Variants in TCF4 observed in about 807,000 individuals in gnomAD.
The protein encoded by TCF4 is transcription factor 4, also known as SL3-3 enhancer factor 2.
A neutral mutation model predicts 82.1 loss-of-function variants in TCF4; 3 were observed. The observed-to-expected ratio is 0.04, with a 90% CI of 0.02 to 0.09. TCF4 has a LOEUF of 0.09. Among genes scored for constraint, TCF4 ranks in the 10% least tolerant of loss-of-function variants. TCF4 has a pLI of 1.00. For synonymous variants in TCF4, 276 were observed against 309.6 expected (o/e 0.89, Z 1.14); for missense variants, 518 against 852.7 (o/e 0.61, Z 4.89).
rs186956974 is a variant in TCF4 at position 55,365,268 on chromosome 18, C to T, written c.370-14265G>A. Among the ~76,000 whole-genome samples, 1,013 of 122,870 alleles carry T rather than the reference C, an allele frequency of 8.2e-3. 7 individuals carry two copies. The highest frequency in any genetic ancestry group is 0.012 in the Non-Finnish European group (724 of 57,992). 80.6% of individuals were successfully genotyped at this position (122,870 alleles called of 152,430 possible). On this transcript the variant is annotated intron_variant, in intron 6 of 19. Coordinates refer to ENST00000354452, the MANE Select transcript of TCF4 (RefSeq NM_001083962.2). ...GTGTGTGTATATATATATATATATA[C>T]ACACACACACACATATATATATGAT...
Position 55,407,155 on chromosome 18 carries a change from A to G in TCF4, c.305-3637T>C, listed in dbSNP as rs566484435. ...AGGCATTTGATTCATTTTTATACCT[A>G]AAAGGACCAAATGTTAAATTTTGCT... On this transcript the variant is annotated intron_variant, in intron 5 of 19. Coordinates refer to ENST00000354452, the MANE Select transcript of TCF4 (RefSeq NM_001083962.2). Among the ~76,000 whole-genome samples the G allele has an allele frequency of 2.6e-5, 4 of 152,232 alleles. No homozygotes were observed. The South Asian group carries it at 6.2e-4, about 24-fold the overall frequency.
chr18:55,303,878 G>A (rs1153636), intron 8 of TCF4, among the ~76,000 whole-genome samples: 41,087 of 151,936 alleles, frequency 0.27, 5,543 homozygotes, highest in Middle Eastern at 0.33. Flanking sequence ...AGCAAAGCAG[G>A]ACAAAATAAA....
upstream of TCF4, chr18:55,588,735 T>G: frequency 7.9e-7 from 1 of 1,269,628 alleles, no homozygotes; most frequent in African/African-American, 1.5e-5. Flanking sequence ...CACATTTTCC[T>G]GGGGAGATTT....
chr18:55,510,833 G>A (rs2096820557), intron 3 of TCF4: 3 of 1,041,980 alleles, frequency 2.9e-6, no homozygotes, highest in Non-Finnish European at 3.6e-6. Flanking sequence ...GATACTGGCT[G>A]TGTGTTTATG....
chr18:55,298,328 C>A (rs377529057), intron 8 of TCF4, among the ~76,000 whole-genome samples: 1 of 152,174 alleles, frequency 6.6e-6, no homozygotes, highest in African/African-American at 2.4e-5. Flanking sequence ...TCCATTTTCC[C>A]ATTTCAAAAC....
At chr18:55,488,922 T>C (rs921623055) in intron 3 of TCF4, among the ~76,000 whole-genome samples, 4 of 152,202 alleles carry the variant, frequency 2.6e-5, no homozygotes, top group Non-Finnish European at 5.9e-5. Context: ...GTGCTGATAT[T>C]AGAAGCATGA....
intron 3 of TCF4, among the ~76,000 whole-genome samples, chr18:55,534,947 A>C (rs1300588165): frequency 2.0e-5 from 3 of 152,256 alleles, no homozygotes; most frequent in African/African-American, 7.2e-5. Context: ...TGTCCAATCT[A>C]TTCTATCTCA....
intron 5 of TCF4, among the ~76,000 whole-genome samples, chr18:55,456,849 A>G (rs969347840): frequency 1.3e-5 from 2 of 152,188 alleles, no homozygotes; most frequent in African/African-American, 2.4e-5. Context: ...AAGGTATCCA[A>G]TGGACCACCT....
intron 6 of TCF4, among the ~76,000 whole-genome samples, chr18:55,382,463 C>T (rs2092064735): frequency 6.6e-6 from 1 of 151,790 alleles, no homozygotes; most frequent in South Asian, 2.1e-4. Context: ...ATTGGCATAC[C>T]ATAAATTTCT....
In TCF4 at chr18:55,585,439, C is replaced by A. The variant is rs1025040440; in HGVS notation, c.73-87G>T. 19 of 1,220,112 alleles carry A rather than the reference C, an allele frequency of 1.6e-5. No homozygotes were observed. In the African/African-American group the frequency reaches 2.7e-4, roughly 17 times the overall value. 75.6% of individuals were successfully genotyped at this position (1,220,112 alleles called of 1,614,324 possible). On this transcript the variant is annotated intron_variant, in intron 2 of 19. Transcript: ENST00000354452. ...AAAGATCTTTCATACTGTTACCAAA[C>A]AGCTTAGAGTTTATGCTAAGGGTTT... is the stretch of plus-strand genomic sequence containing the variant.
intron 3 of TCF4, among the ~76,000 whole-genome samples, chr18:55,524,534 T>TTATTGATTAAGTAATCAA (rs1230700435): frequency 6.6e-6 from 1 of 152,228 alleles, no homozygotes; most frequent in Admixed American, 6.5e-5. Context: ...AAGACCATGA[T>TTATTGATTAAGTAATCAA]TATTGATTAA....
At chr18:55,542,618 C>A (rs950924904) in intron 3 of TCF4, among the ~76,000 whole-genome samples, 3 of 151,902 alleles carry the variant, frequency 2.0e-5, no homozygotes, top group Non-Finnish European at 4.4e-5. Flanking sequence ...ATTTGCCCAC[C>A]ATTTAGATTT....
intron 6 of TCF4, among the ~76,000 whole-genome samples, chr18:55,362,348 A>C (rs535113839): frequency 1.2e-5 from 1 of 83,674 alleles, no homozygotes; most frequent in East Asian, 5.2e-4. Flanking sequence ...AGAGGAAGGA[A>C]GGAAGGAAGG....
intron 8 of TCF4, among the ~76,000 whole-genome samples, chr18:55,312,611 A>T (rs572581015): frequency 6.6e-6 from 1 of 152,304 alleles, no homozygotes; most frequent in Admixed American, 6.5e-5. Context: ...TAATTAAGGA[A>T]ACTGAATCCT....
intron 3 of TCF4, among the ~76,000 whole-genome samples, chr18:55,504,143 G>C (rs1051662080): frequency 2.0e-5 from 3 of 152,162 alleles, no homozygotes; most frequent in African/African-American, 7.2e-5. Context: ...TATTCGTTCT[G>C]CAACACTTAC....
chr18:55,238,629 G>A (rs1016934358), intron 15 of TCF4, among the ~76,000 whole-genome samples: 2 of 152,186 alleles, frequency 1.3e-5, no homozygotes, highest in African/African-American at 2.4e-5. Context: ...CTGTAGCTTA[G>A]GTTTTGGACT....
intron 3 of TCF4, among the ~76,000 whole-genome samples, chr18:55,575,748 G>T (rs1387202550): frequency 6.6e-6 from 1 of 152,066 alleles, no homozygotes; most frequent in East Asian, 1.9e-4. Flanking sequence ...CAATATTTGG[G>T]GGAAGGGATG....
At chr18:55,479,937 C>T (rs1248012660) in intron 3 of TCF4, among the ~76,000 whole-genome samples, 4 of 152,168 alleles carry the variant, frequency 2.6e-5, no homozygotes, top group Non-Finnish European at 4.4e-5. Context: ...GCAGGGGAAA[C>T]TGGTCTTTGA....
chr18:55,234,877 C>T (rs866071124), intron 15 of TCF4, among the ~76,000 whole-genome samples, 194 bp from the exon 16 acceptor site: 1 of 152,144 alleles, frequency 6.6e-6, no homozygotes, highest in Non-Finnish European at 1.5e-5. Flanking sequence ...AGTAAGATGC[C>T]GTGCTGTACA....
Sources: gnomAD v4.1 joint callset for allele counts (sites outside exome capture counted in the v4.1 genomes callset) on GRCh38, gnomAD v4.1.1 for gene constraint, MANE v1.5 for transcripts, NCBI Gene and HGNC (gene_info 2026-07-23, HGNC 2026-07-21) for gene names.